The following AGK variants were observed in gnomAD, a reference collection of about 807,000 sequenced individuals.
The protein encoded by AGK is acylglycerol kinase, also known as acylglycerol kinase, mitochondrial.
A neutral mutation model predicts 66.4 loss-of-function variants in AGK; 52 were observed. The ratio of observed to expected loss-of-function variants is 0.78; its 90% CI spans 0.63 to 0.99. The LOEUF is 0.99. Ranked by LOEUF, AGK falls within the 50% of genes least tolerant of loss-of-function variation. The pLI, the probability that AGK is intolerant of heterozygous loss-of-function variation, is 0.00. For missense variants in AGK, 451 were observed against 506.6 expected (o/e 0.89, Z 1.05); for synonymous variants, 182 against 181.1 (o/e 1.00, Z -0.04).
intron 1 of AGK, 108 bp downstream of exon 1, chr7:141,551,542 T>TGGAGTC (rs1795083510): frequency 6.5e-6 from 1 of 152,720 alleles, no homozygotes. Context: ...GCGGAGCCTC[T>TGGAGTC]GGAGTCGCGC....
chr7:141,632,157 G>A (rs1205133163), intron 9 of AGK, among the ~76,000 whole-genome samples: 1 of 151,738 alleles, frequency 6.6e-6, no homozygotes, highest in African/African-American at 2.4e-5. Context: ...CTTGAACCTG[G>A]GAGGCAGAGG....
Position 141,653,251 on chromosome 7 carries a change from T to G in AGK, c.*327T>G. On this transcript the variant is annotated 3_prime_UTR_variant, in exon 16 of 16. Coordinates refer to ENST00000649286, the MANE Select transcript of AGK (RefSeq NM_018238.4). ...CCACAGTGGAGAGCCCACGGTGGGC[T>G]TAGCCTGCCTAGGCCCTTCCATTTC... 3.9e-6 allele frequency: 1 copy of G among 257,368 alleles called. No homozygotes were observed. 15.9% of individuals were successfully genotyped at this position (257,368 alleles called of 1,614,324 possible).
intron 2 of AGK, among the ~76,000 whole-genome samples, chr7:141,571,022 A>G (rs1443996061): frequency 1.3e-5 from 2 of 152,194 alleles, no homozygotes; most frequent in Non-Finnish European, 2.9e-5. Context: ...GCAGAGCCAT[A>G]TGGGAGCCTG....
intron 8 of AGK, among the ~76,000 whole-genome samples, chr7:141,617,526 G>A (rs531570686): frequency 6.6e-6 from 1 of 152,298 alleles, no homozygotes; most frequent in Non-Finnish European, 1.5e-5. Flanking sequence ...TTTGCTTTTT[G>A]CACTGCTGTC....
chr7:141,557,823 A>G (rs985425301), intron 2 of AGK, among the ~76,000 whole-genome samples: 2 of 152,176 alleles, frequency 1.3e-5, no homozygotes, highest in African/African-American at 4.8e-5. Context: ...ATTTGGTACT[A>G]TTTAGCCTTT....
At chr7:141,567,572 G>T (rs1247247778) in intron 2 of AGK, among the ~76,000 whole-genome samples, 1 of 152,176 alleles carries the variant, frequency 6.6e-6, no homozygotes, top group Non-Finnish European at 1.5e-5. Flanking sequence ...GAGCAGCAGG[G>T]ACTGCTCTCA....
intron 13 of AGK, among the ~76,000 whole-genome samples, chr7:141,647,376 T>C (rs955600234): frequency 2.3e-4 from 35 of 152,322 alleles, no homozygotes; most frequent in African/African-American, 7.9e-4. Flanking sequence ...CTCTCTTCCC[T>C]GTCTTCCTCA....
chr7:141,600,772 G>T (rs1488525373), intron 4 of AGK, among the ~76,000 whole-genome samples: 1 of 152,198 alleles, frequency 6.6e-6, no homozygotes, highest in Non-Finnish European at 1.5e-5. Flanking sequence ...GGGAGTTTCA[G>T]ACTAGCTTCT....
At chr7:141,567,035 G>A (rs900289849) in intron 2 of AGK, among the ~76,000 whole-genome samples, 2 of 152,046 alleles carry the variant, frequency 1.3e-5, no homozygotes, top group Admixed American at 6.6e-5. Flanking sequence ...CCTCTTAGTT[G>A]TTAAATTAAA....
intron 13 of AGK, 167 bp from the exon 14 acceptor site, chr7:141,649,094 GAA>G (rs34553236): frequency 0.034 from 10,313 of 307,472 alleles, 1 homozygote; most frequent in Middle Eastern, 0.054. Flanking sequence ...AGCTCTTTGT[GAA>G]AAAAAAAAAA....
chr7:141,635,191 G>A (rs553377227), intron 10 of AGK, among the ~76,000 whole-genome samples: 1 of 152,264 alleles, frequency 6.6e-6, no homozygotes, highest in South Asian at 2.1e-4. Flanking sequence ...ATCTCGATTG[G>A]TTTCTGCACA....
intron 5 of AGK, among the ~76,000 whole-genome samples, chr7:141,608,016 G>A (rs1234613620): frequency 6.6e-6 from 1 of 151,812 alleles, no homozygotes; most frequent in Non-Finnish European, 1.5e-5. Context: ...ATTTATTAAT[G>A]TGTTTTTACA....
intron 2 of AGK, among the ~76,000 whole-genome samples, chr7:141,567,486 G>A (rs2116868904): frequency 6.6e-6 from 1 of 150,750 alleles, no homozygotes; most frequent in South Asian, 2.1e-4. Flanking sequence ...CTTCCCCCAA[G>A]TTTCAAAGAA....
At chr7:141,641,025 G>A (rs1371953006) in intron 11 of AGK, among the ~76,000 whole-genome samples, 1 of 152,148 alleles carries the variant, frequency 6.6e-6, no homozygotes, top group Non-Finnish European at 1.5e-5. Context: ...GGGGAGCAAT[G>A]GAGGCAGTAC....
At chr7:141,615,319 C>G (rs1294377464) in intron 7 of AGK, 152 bp from the exon 8 acceptor site, 2 of 511,668 alleles carry the variant, frequency 3.9e-6, no homozygotes, top group African/African-American at 1.9e-5. Flanking sequence ...ACCCACCTAG[C>G]TTTATTTGAT....
chr7:141,599,572 G>T (rs1796299096), intron 4 of AGK, among the ~76,000 whole-genome samples: 1 of 152,098 alleles, frequency 6.6e-6, no homozygotes, highest in Non-Finnish European at 1.5e-5. Context: ...CTCAGAGGAG[G>T]TTACAGATTT....
At chr7:141,569,098 T>C (rs1228240821) in intron 2 of AGK, among the ~76,000 whole-genome samples, 1 of 152,236 alleles carries the variant, frequency 6.6e-6, no homozygotes, top group African/African-American at 2.4e-5. Flanking sequence ...TTACTGTATA[T>C]TGGCTTTTCT....
At chr7:141,603,945 T>C (rs577170337) in intron 5 of AGK, among the ~76,000 whole-genome samples, 15 of 152,340 alleles carry the variant, frequency 9.8e-5, no homozygotes, top group Non-Finnish European at 1.6e-4. Context: ...TTAGGAAAAG[T>C]AGCGATTCTC....
At chr7:141,563,300 G>C (rs1795392116) in intron 2 of AGK, among the ~76,000 whole-genome samples, 1 of 152,182 alleles carries the variant, frequency 6.6e-6, no homozygotes, top group Admixed American at 6.5e-5. Flanking sequence ...AATGGGATCA[G>C]GGTGTAAGGA....
Sources: allele counts gnomAD v4.1 joint callset (sites outside exome capture counted in the v4.1 genomes callset), GRCh38; gene constraint gnomAD v4.1.1; transcripts MANE v1.5; gene names NCBI Gene and HGNC (gene_info 2026-07-23, HGNC 2026-07-21).